The following TVP23A variants were observed in gnomAD, a reference collection of about 807,000 sequenced individuals.
The protein encoded by TVP23A is Golgi apparatus membrane protein TVP23 homolog A.
In TVP23A, 21 loss-of-function variants were observed where a neutral mutation model predicts 31.7. That is an observed-to-expected ratio of 0.66 (90% CI 0.47 to 0.95). The LOEUF (loss-of-function observed/expected upper bound fraction) is 0.95, where lower values mean the gene tolerates loss of function less well. Among genes scored for constraint, TVP23A ranks in the 40% least tolerant of loss-of-function variants. The pLI is 0.00. For synonymous variants in TVP23A, 104 were observed against 96.0 expected (o/e 1.08, Z -0.49); for missense variants, 279 against 255.6 (o/e 1.09, Z -0.62).
rs112139274 is a variant in TVP23A at position 10,783,741 on chromosome 16, T to C, written c.90-8645A>G. ...ACCATGGTACATCCAGACAACAGAA[T>C]GTTATTCAGCGCTAAAAAGAAATGA... On this transcript the variant is annotated intron_variant, in intron 2 of 7. Coordinates refer to ENST00000299866, the MANE Select transcript of TVP23A (RefSeq NM_001079512.4). 4.6e-3 allele frequency among the ~76,000 whole-genome samples: 704 copies of C among 152,226 alleles called. 6 individuals are homozygous for C. Among genetic ancestry groups the C allele is most frequent in the African/African-American group, 0.016 (670 of 41,530 alleles).
intron 2 of TVP23A, among the ~76,000 whole-genome samples, chr16:10,788,719 A>T (rs752281281): frequency 3.3e-5 from 5 of 152,202 alleles, no homozygotes; most frequent in Non-Finnish European, 7.4e-5. Context: ...AAAGGGAGAC[A>T]GTATGTCATA....
In TVP23A at chr16:10,818,378, G is replaced by T. The variant is rs2034535903; in HGVS notation, c.9+107C>A. The T allele has an allele frequency of 2.0e-6, 3 of 1,501,970 alleles. No homozygotes were observed. Among genetic ancestry groups the T allele is most frequent in the Non-Finnish European group, 2.7e-6 (3 of 1,110,768 alleles). 93.0% of individuals were successfully genotyped at this position (1,501,970 alleles called of 1,614,324 possible). ...CCTCCCGACCACCGGGTGCAGCCCA[G>T]CCCCAGGCCCCGGCGCATCCCTCCT... On this transcript the variant is annotated intron_variant, in intron 1 of 7. Coordinates refer to ENST00000299866, the MANE Select transcript of TVP23A (RefSeq NM_001079512.4). This position sits in a 1 kb window ranked among gnomAD's most constrained non-coding sequence, Gnocchi z 4.7.
chr16:10,758,655 G>A (rs903853412), downstream of TVP23A, among the ~76,000 whole-genome samples: 6 of 152,152 alleles, frequency 3.9e-5, no homozygotes, highest in Non-Finnish European at 5.9e-5. Context: ...TGTGCTGCCT[G>A]GCCCCGTCAG....
In TVP23A at chr16:10,773,193, T is replaced by A; in HGVS notation, c.453+120A>T. ...AATTGTATGGAATGTGTATTATATCTCAATAAACTTGTTATAATTGATCAA... is the reference window on the plus strand; with the variant it reads ...AATTGTATGGAATGTGTATTATATCACAATAAACTTGTTATAATTGATCAA... On this transcript the variant is annotated intron_variant, in intron 5 of 7. Coordinates refer to ENST00000299866, the MANE Select transcript of TVP23A (RefSeq NM_001079512.4). 3.8e-6 allele frequency: 5 copies of A among 1,304,908 alleles called. No homozygotes were observed. In the South Asian group the frequency reaches 8.0e-5, roughly 21 times the overall value. The allele number at this position is 1,304,908 out of a possible 1,614,324, so 80.8% of individuals were successfully genotyped here.
chr16:10,774,607 T>TC (rs1555478769), intron 3 of TVP23A, among the ~76,000 whole-genome samples: 13 of 88,564 alleles, frequency 1.5e-4, no homozygotes, highest in Admixed American at 1.9e-4. Context: ...ATTCTCTCTC[T>TC]TTTTTTTTTT....
intron 2 of TVP23A, among the ~76,000 whole-genome samples, chr16:10,783,756 AAAAG>A (rs2032566798): frequency 6.6e-6 from 1 of 152,230 alleles, no homozygotes; most frequent in African/African-American, 2.4e-5. Flanking sequence ...TTCAGCGCTA[AAAAG>A]AAATGAGCTA....
At chr16:10,782,175 T>A (rs2032467825) in intron 2 of TVP23A, among the ~76,000 whole-genome samples, 1 of 151,984 alleles carries the variant, frequency 6.6e-6, no homozygotes, top group African/African-American at 2.4e-5. Flanking sequence ...TAACACAACC[T>A]TCCCACACTC....
intron 2 of TVP23A, among the ~76,000 whole-genome samples, chr16:10,784,626 AG>A (rs1402696149): frequency 6.6e-6 from 1 of 152,142 alleles, no homozygotes; most frequent in East Asian, 1.9e-4. Context: ...CAACATCAAG[AG>A]TAAACCCTGA....
chr16:10,766,969 A>G lies in TVP23A; in HGVS notation c.*2133T>C, dbSNP rs1472969655. 1 of 398,338 alleles carries G rather than the reference A, an allele frequency of 2.5e-6. No homozygotes were observed. Among genetic ancestry groups the G allele is most frequent in the Non-Finnish European group, 4.4e-6 (1 of 226,080 alleles). 24.7% of individuals were successfully genotyped at this position (398,338 alleles called of 1,614,324 possible). On this transcript the variant is annotated 3_prime_UTR_variant, in exon 8 of 8. Transcript: ENST00000299866. This position sits in a 1 kb window ranked among gnomAD's most constrained non-coding sequence, Gnocchi z 4.8. ...ACTCACTGGGCCATATGGGCTCCCC[A>G]TCTCCCACCAACCCCTCCCCACAGG...
Position 10,768,295 on chromosome 16 carries a change from T to A in TVP23A, c.*807A>T. ...ATAAAGGGATAAAGTAATTCATTTT[T>A]AAAAGTAACTGATAAAAAAAAAAAA... is the stretch of plus-strand genomic sequence containing the variant. On this transcript the variant is annotated 3_prime_UTR_variant, in exon 8 of 8. Transcript: ENST00000299866. The surrounding 1 kb of genome is among the most constrained non-coding windows in gnomAD (Gnocchi z 4.3). The A allele has an allele frequency of 4.2e-6, 1 of 237,948 alleles. No individual in the cohort carries two copies. The highest frequency in any genetic ancestry group is 7.8e-6 in the Non-Finnish European group (1 of 127,434). 14.7% of individuals were successfully genotyped at this position (237,948 alleles called of 1,614,324 possible). A position where few individuals can be genotyped will look rare whatever the true frequency, so the allele number is the denominator to read the frequency against.
chr16:10,761,482 C>T (rs752978296), exon 9 of TVP23A: 18 of 1,608,584 alleles, frequency 1.1e-5, no homozygotes, highest in East Asian at 2.2e-5. Context: ...AAGGTGAGGG[C>T]GCGTGGGGCT....
downstream of TVP23A, chr16:10,765,050 G>A (rs371871926): frequency 6.4e-6 from 1 of 156,326 alleles, no homozygotes; most frequent in Non-Finnish European, 1.4e-5. The surrounding 1 kb of genome is among the most constrained non-coding windows in gnomAD (Gnocchi z 4.0). Flanking sequence ...GCTCGTCTCA[G>A]TCACTAGCTA....
Position 10,768,006 on chromosome 16 carries a change from CG to C in TVP23A, c.*1095del. On this transcript the variant is annotated 3_prime_UTR_variant, in exon 8 of 8. Transcript: ENST00000299866. This position sits in a 1 kb window ranked among gnomAD's most constrained non-coding sequence, Gnocchi z 4.3. ...ATTGACGCCCCAGATTCCCCAGCCACGTTAGCCTACAGAAGTATAATTCAGA... is the reference window on the plus strand; with the variant it reads ...ATTGACGCCCCAGATTCCCCAGCCACTTAGCCTACAGAAGTATAATTCAGA... The C allele has an allele frequency of 6.2e-7, 1 of 1,614,080 alleles. No homozygotes were observed. The highest frequency in any genetic ancestry group is 8.5e-7 in the Non-Finnish European group (1 of 1,180,000).
At chr16:10,790,489 G>A (rs1302772397) in intron 2 of TVP23A, among the ~76,000 whole-genome samples, 1 of 152,028 alleles carries the variant, frequency 6.6e-6, no homozygotes, top group African/African-American at 2.4e-5. Flanking sequence ...GTTTCACCGT[G>A]TTAGCCAGGA....
intron 2 of TVP23A, among the ~76,000 whole-genome samples, chr16:10,801,217 C>A (rs2033679673): frequency 1.3e-5 from 2 of 152,088 alleles, no homozygotes; most frequent in African/African-American, 4.8e-5. Flanking sequence ...ATTTCTAGGC[C>A]ATCTTTAGTA....
At chr16:10,771,429 A>C (rs1225169535) in intron 6 of TVP23A, among the ~76,000 whole-genome samples, 1 of 152,002 alleles carries the variant, frequency 6.6e-6, no homozygotes, top group Non-Finnish European at 1.5e-5. Flanking sequence ...CAACTGTGCC[A>C]GAGGCTGAGG....
intron 2 of TVP23A, among the ~76,000 whole-genome samples, chr16:10,801,382 A>G (rs2033686816): frequency 6.6e-6 from 1 of 152,220 alleles, no homozygotes; most frequent in South Asian, 2.1e-4. Flanking sequence ...TTACTCTCCA[A>G]AAATGTCCAT....
intron 2 of TVP23A, among the ~76,000 whole-genome samples, chr16:10,798,166 A>G (rs1313863045): frequency 4.6e-5 from 7 of 151,598 alleles, no homozygotes; most frequent in Non-Finnish European, 7.4e-5. Flanking sequence ...TCACCATGTT[A>G]GCCAGGATGG....
At chr16:10,794,405 A>G (rs961669657) in intron 2 of TVP23A, among the ~76,000 whole-genome samples, 7 of 152,240 alleles carry the variant, frequency 4.6e-5, no homozygotes, top group Admixed American at 2.0e-4. Context: ...GTATGACCTC[A>G]TGTTAACTAA....
Sources: gnomAD v4.1 joint callset for allele counts (sites outside exome capture counted in the v4.1 genomes callset) on GRCh38, gnomAD v4.1.1 for gene constraint, Gnocchi (gnomAD v3.1) non-coding constraint, MANE v1.5 for transcripts, NCBI Gene and HGNC (gene_info 2026-07-23, HGNC 2026-07-21) for gene names.